Variants in LRRC1 observed in about 807,000 individuals in gnomAD.
LRRC1 encodes leucine-rich repeat-containing protein 1.
In LRRC1, 28 loss-of-function variants were observed where a neutral mutation model predicts 69.9. The ratio of observed to expected loss-of-function variants is 0.40; its 90% confidence interval spans 0.30 to 0.55. The LOEUF is 0.55. Among genes scored for constraint, LRRC1 ranks in the 20% least tolerant of loss-of-function variants. The pLI is 0.47. For synonymous variants in LRRC1, 236 were observed against 240.2 expected (o/e 0.98, Z 0.16); for missense variants, 498 against 609.0 (o/e 0.82, Z 1.92).
chr6:53,813,609 A>G (rs1764865804), intron 1 of LRRC1, among the ~76,000 whole-genome samples: 2 of 142,446 alleles, frequency 1.4e-5, no homozygotes, highest in South Asian at 4.6e-4. Context: ...GTGTTCAGTA[A>G]TTAAAAATGG....
Position 53,923,753 on chromosome 6 carries a change from T to C in LRRC1, c.*960T>C, listed in dbSNP as rs893096259. On this transcript the variant is annotated 3_prime_UTR_variant, in exon 14 of 14. Coordinates refer to ENST00000370888, the MANE Select transcript of LRRC1 (RefSeq NM_018214.5). ...AGAGAACACTGGTTCAGACATTCAG[T>C]GGGCAAGTAAATTATGGACTGCAAA... 1 of 152,612 alleles carries C rather than the reference T, an allele frequency of 6.6e-6. No homozygotes were observed. The highest frequency in any genetic ancestry group is 2.4e-5 in the African/African-American group (1 of 41,442). 9.5% of individuals were successfully genotyped at this position (152,612 alleles called of 1,614,324 possible).
intron 1 of LRRC1, among the ~76,000 whole-genome samples, chr6:53,840,884 T>TGTGTG (rs1765759485): frequency 1.6e-5 from 2 of 125,232 alleles, no homozygotes; most frequent in Non-Finnish European, 3.4e-5. Context: ...GGGTATGTGT[T>TGTGTG]TGTGTGTGTG....
chr6:53,887,460 T>G lies in LRRC1; in HGVS notation c.446+4484T>G, dbSNP rs146294734. 4.7e-3 allele frequency among the ~76,000 whole-genome samples: 709 copies of G among 152,136 alleles called. 5 individuals carry two copies. Among genetic ancestry groups the G allele is most frequent in the Admixed American group, 0.011 (168 of 15,270 alleles). On this transcript the variant is annotated intron_variant, in intron 4 of 13. Transcript: ENST00000370888. ...CTTTTCTGTGCGATGAAGGGAGAGA[T>G]GATGCTGACAGTCTCGGTGGGGTAG...
intron 8 of LRRC1, among the ~76,000 whole-genome samples, chr6:53,901,680 G>C (rs546171939): frequency 1.3e-5 from 2 of 152,330 alleles, no homozygotes; most frequent in African/African-American, 4.8e-5. Flanking sequence ...GTTGGGGTGA[G>C]ATGTTTCGGT....
At chr6:53,902,522 G>T (rs1768093084) in intron 8 of LRRC1, 107 bp from the exon 9 acceptor site, 1 of 596,300 alleles carries the variant, frequency 1.7e-6, no homozygotes, top group South Asian at 3.3e-5. Context: ...GAAAAAATAA[G>T]TAACTGTTTA....
At chr6:53,816,627 AAT>A (rs1764957231) in intron 1 of LRRC1, among the ~76,000 whole-genome samples, 1 of 152,168 alleles carries the variant, frequency 6.6e-6, no homozygotes, top group African/African-American at 2.4e-5. Context: ...TTACAATCAG[AAT>A]ATATAAATCA....
chr6:53,897,511 C>T (rs772967472), intron 7 of LRRC1, 152 bp downstream of exon 7: 17 of 593,100 alleles, frequency 2.9e-5, no homozygotes, highest in Non-Finnish European at 4.7e-5. Flanking sequence ...ACATATTGAG[C>T]ATGCATCATT....
At chr6:53,907,761 A>G (rs1581915376) in intron 10 of LRRC1, among the ~76,000 whole-genome samples, 2 of 148,052 alleles carry the variant, frequency 1.4e-5, no homozygotes, top group South Asian at 4.2e-4. Flanking sequence ...TAATGACTGC[A>G]TGGCCTGGAA....
chr6:53,900,038 T>TTG lies in LRRC1; in HGVS notation c.787+148_787+149insGT, dbSNP rs1562066481. The TTG allele has an allele frequency of 5.8e-6, 4 of 692,948 alleles. No individual in the cohort carries two copies. The African/African-American group carries it at 8.4e-5, about 15-fold the overall frequency. The allele number at this position is 692,948 out of a possible 1,614,324, so 42.9% of individuals were successfully genotyped here. A position where few individuals can be genotyped will look rare whatever the true frequency, so the allele number is the denominator to read the frequency against. On this transcript the variant is annotated intron_variant, in intron 8 of 13. Transcript: ENST00000370888. ...CCTTACTGTTTTTTTTTTTTTTTTT[T>TTG]TTTTTTTTTTTTTTTCTGAGATGGA...
chr6:53,899,977 A>G, intron 8 of LRRC1, 86 bp downstream of exon 8: 16 of 1,203,340 alleles, frequency 1.3e-5, no homozygotes, highest in Non-Finnish European at 1.8e-5. Flanking sequence ...TTTGGTCACC[A>G]CTTTCAGATG....
intron 1 of LRRC1, among the ~76,000 whole-genome samples, chr6:53,816,096 A>G (rs2127407209): frequency 6.6e-6 from 1 of 152,360 alleles, no homozygotes; most frequent in East Asian, 1.9e-4. Flanking sequence ...TCTTTTGGCA[A>G]ACGCATGAAG....
At chr6:53,826,197 C>CTTTTTT (rs58959665) in intron 1 of LRRC1, among the ~76,000 whole-genome samples, 1 of 138,408 alleles carries the variant, frequency 7.2e-6, no homozygotes. Flanking sequence ...ACATATCTGC[C>CTTTTTT]TTTTTTTTTT....
chr6:53,847,875 T>C (rs1398849107), intron 2 of LRRC1, among the ~76,000 whole-genome samples: 1 of 152,232 alleles, frequency 6.6e-6, no homozygotes, highest in Non-Finnish European at 1.5e-5. Context: ...TCCTACTTAG[T>C]TATGAACAAT....
intron 11 of LRRC1, chr6:53,918,872 G>T (rs983280617): frequency 2.6e-5 from 4 of 152,182 alleles, no homozygotes; most frequent in African/African-American, 9.7e-5. Flanking sequence ...TTGTCACCTA[G>T]GACTCTGAGA....
At position 53,922,682 on chromosome 6, in the gene LRRC1, C is replaced by G. The variant is rs750579414; in HGVS notation, c.1464C>G (p.His488Gln). ...RATPHPGELKHMKKTVENLRN... is the reference protein window; with the variant it reads ...RATPHPGELKQMKKTVENLRN... ...CTCCACACCCAGGGGAGTTAAAGCACATGAAAAAGACAGTGGAGAATTTAC... is the reference window on the plus strand; with the variant it reads ...CTCCACACCCAGGGGAGTTAAAGCAGATGAAAAAGACAGTGGAGAATTTAC... Residue 488 changes from histidine to glutamine, a missense_variant, in exon 14 of 14, where the codon CAC (histidine) becomes CAG (glutamine). Physicochemically the swap from His to Gln is conservative, Grantham distance 24. Coordinates refer to ENST00000370888, the MANE Select transcript of LRRC1 (RefSeq NM_018214.5). 7 of 1,613,950 alleles carry G rather than the reference C, an allele frequency of 4.3e-6. No individual in the cohort carries two copies. The African/African-American group carries it at 9.3e-5, about 22-fold the overall frequency.
rs143661802 is a variant in LRRC1, at chr6:53,871,689, C to T, written c.278-7304C>T. Among the ~76,000 whole-genome samples, 568 of 152,112 alleles carry T rather than the reference C, an allele frequency of 3.7e-3. 6 individuals carry two copies. Among genetic ancestry groups the T allele is most frequent in the African/African-American group, 0.013 (521 of 41,510 alleles). The stretch of plus-strand genomic sequence containing the variant: ...TTTTGTTTTGTTTCGTTTTTTGAGA[C>T]GGACTTTTGCTCTTGTTGCCCAGGC... On this transcript the variant is annotated intron_variant, in intron 2 of 13. Transcript: ENST00000370888.
At chr6:53,835,025 C>G (rs926664467) in intron 1 of LRRC1, among the ~76,000 whole-genome samples, 1 of 152,120 alleles carries the variant, frequency 6.6e-6, no homozygotes, top group African/African-American at 2.4e-5. Context: ...CCAGTCTTTT[C>G]TTACTAATAG....
intron 11 of LRRC1, 112 bp from the exon 12 acceptor site, chr6:53,919,386 C>A: frequency 1.1e-6 from 1 of 883,500 alleles, no homozygotes; most frequent in Non-Finnish European, 1.6e-6. Flanking sequence ...CATTTTGAAA[C>A]CAATCTCAGG....
chr6:53,899,973 C>A, intron 8 of LRRC1, 82 bp downstream of exon 8: 1 of 1,212,174 alleles, frequency 8.2e-7, no homozygotes, highest in Non-Finnish European at 1.1e-6. Context: ...ATCCTTTGGT[C>A]ACCACTTTCA....
Sources: allele counts gnomAD v4.1 joint callset (sites outside exome capture counted in the v4.1 genomes callset), GRCh38; gene constraint gnomAD v4.1.1; transcripts MANE v1.5; gene names NCBI Gene and HGNC (gene_info 2026-07-23, HGNC 2026-07-21).